Variants in NUP98 observed in about 807,000 individuals in gnomAD.
The protein encoded by NUP98 is nucleoporin 98 and 96 precursor, also known as nuclear pore complex protein Nup98-Nup96.
Under a neutral mutation model 191.9 loss-of-function variants are expected in NUP98, and 26 were observed. The observed-to-expected ratio is 0.14, with a 90% CI of 0.10 to 0.19. The LOEUF is 0.19. Ranked by LOEUF, NUP98 falls within the 10% of genes least tolerant of loss-of-function variation. The pLI is 1.00. For synonymous variants in NUP98, 808 were observed against 778.4 expected, an observed-to-expected ratio of 1.04 and a Z score of -0.63; for missense variants, 1,941 against 2,178.8, an observed-to-expected ratio of 0.89 and a Z score of 2.17.
At chr11:3,752,759 A>T (rs2080811865) in intron 11 of NUP98, among the ~76,000 whole-genome samples, 1 of 152,194 alleles carries the variant, frequency 6.6e-6, no homozygotes, top group Non-Finnish European at 1.5e-5. Context: ...TTTTATGACC[A>T]TCATCACGCT....
rs1475685673 is a variant in NUP98 at position 3,720,979 on chromosome 11, T to TGTGA, written c.2147-155_2147-154insTCAC. ...TCCTAGGAGAAGGGGTGTGTGAGTG[T>TGTGA]GTGTGTGTGTGTGTGTGTGTGTGTG... On this transcript the variant is annotated intron_variant, in intron 16 of 32. Coordinates refer to ENST00000324932, the MANE Select transcript of NUP98 (RefSeq NM_016320.5). 6 of 312,668 alleles carry TGTGA rather than the reference T, an allele frequency of 1.9e-5. No individual in the cohort carries two copies. In the East Asian group the frequency reaches 4.1e-4, roughly 22 times the overall value. 19.4% of individuals were successfully genotyped at this position (312,668 alleles called of 1,614,324 possible). A position where few individuals can be genotyped will look rare whatever the true frequency, so the allele number is the denominator to read the frequency against.
intron 28 of NUP98, among the ~76,000 whole-genome samples, chr11:3,687,769 T>C (rs1404455129): frequency 6.6e-6 from 1 of 152,220 alleles, no homozygotes; most frequent in Non-Finnish European, 1.5e-5. Context: ...CTAATAAATT[T>C]TGTGACTTTA....
At chr11:3,794,353 C>A (rs188945700) in intron 1 of NUP98, among the ~76,000 whole-genome samples, 2 of 152,288 alleles carry the variant, frequency 1.3e-5, no homozygotes, top group East Asian at 3.9e-4. Flanking sequence ...GTCAGAGTCT[C>A]GCTGTCGCCC....
chr11:3,755,106 G>C (rs934519954), intron 10 of NUP98, among the ~76,000 whole-genome samples: 2 of 151,940 alleles, frequency 1.3e-5, no homozygotes, highest in South Asian at 4.1e-4. Context: ...TTTCTCATGA[G>C]AGAAAAGAAA....
chr11:3,782,682 A>T (rs534494313), intron 1 of NUP98, among the ~76,000 whole-genome samples: 1 of 145,862 alleles, frequency 6.9e-6, no homozygotes, highest in Non-Finnish European at 1.5e-5. Context: ...ACCTGGGATT[A>T]CAAGCGTGTG....
chr11:3,685,539 T>C (rs560787811), intron 29 of NUP98, among the ~76,000 whole-genome samples: 13 of 152,068 alleles, frequency 8.5e-5, no homozygotes, highest in African/African-American at 1.9e-4. Flanking sequence ...ATGAGGAGAA[T>C]AGTTCTGATC....
intron 12 of NUP98, among the ~76,000 whole-genome samples, chr11:3,736,076 T>TTGTGTGTG (rs34834363): frequency 1.9e-3 from 250 of 129,532 alleles, no homozygotes; most frequent in African/African-American, 7.2e-3. Context: ...ACAGCTAATT[T>TTGTGTGTG]TGTGTGTGTG....
chr11:3,684,332 C>A (rs951764508), intron 29 of NUP98, among the ~76,000 whole-genome samples: 6 of 152,210 alleles, frequency 3.9e-5, no homozygotes, highest in Non-Finnish European at 4.4e-5. Context: ...GTAATCCCAG[C>A]ACTTTGGCAG....
chr11:3,708,851 TC>T (rs1237050840), intron 20 of NUP98, among the ~76,000 whole-genome samples: 1 of 152,092 alleles, frequency 6.6e-6, no homozygotes, highest in Non-Finnish European at 1.5e-5. Context: ...ATTTTAACTC[TC>T]CCTTTCCTAC....
chr11:3,743,732 A>C (rs1050038048), intron 12 of NUP98, among the ~76,000 whole-genome samples: 1 of 151,434 alleles, frequency 6.6e-6, no homozygotes, highest in Admixed American at 6.6e-5. Flanking sequence ...CAAAGTCTGG[A>C]AGGTGGTATT....
At chr11:3,764,648 G>A (rs1458228752) in intron 8 of NUP98, among the ~76,000 whole-genome samples, 3 of 152,060 alleles carry the variant, frequency 2.0e-5, no homozygotes, top group Non-Finnish European at 2.9e-5. Context: ...GCACAATCTC[G>A]GCTCACCACA....
chr11:3,790,751 C>T (rs567028823), intron 1 of NUP98, among the ~76,000 whole-genome samples: 23 of 152,314 alleles, frequency 1.5e-4, no homozygotes, highest in African/African-American at 4.3e-4. Context: ...TATTTCTCAA[C>T]ACTACAGCAC....
intron 10 of NUP98, among the ~76,000 whole-genome samples, chr11:3,758,264 T>G (rs1429363111): frequency 6.7e-6 from 1 of 149,646 alleles, no homozygotes; most frequent in Non-Finnish European, 1.5e-5. Context: ...GGGCTTGCAG[T>G]GAGCCCATAT....
chr11:3,763,099 A>C, intron 8 of NUP98, 60 bp from the exon 9 acceptor site: 60 of 1,495,356 alleles, frequency 4.0e-5, no homozygotes, highest in Non-Finnish European at 4.8e-5. Flanking sequence ...AACGAATCTC[A>C]GAGTAATAAA....
At chr11:3,700,899 T>C (rs2078656165) in intron 23 of NUP98, 60 bp from the exon 24 acceptor site, 1 of 1,113,042 alleles carries the variant, frequency 9.0e-7, no homozygotes, top group Non-Finnish European at 1.3e-6. Flanking sequence ...CTAGGATTTT[T>C]ACTTCAACCA....
chr11:3,766,444 C>T (rs1170250334), intron 8 of NUP98, among the ~76,000 whole-genome samples: 1 of 152,072 alleles, frequency 6.6e-6, no homozygotes, highest in Non-Finnish European at 1.5e-5. Context: ...AAACCCAGCA[C>T]TTTGTGAGGC....
chr11:3,752,865 G>A (rs2080816318), intron 11 of NUP98, among the ~76,000 whole-genome samples: 1 of 152,188 alleles, frequency 6.6e-6, no homozygotes, highest in Non-Finnish European at 1.5e-5. Flanking sequence ...GAAAAGGGGT[G>A]ACACTGGTCT....
At chr11:3,693,056 G>C (rs2078368532) in intron 27 of NUP98, 176 bp downstream of exon 27, 1 of 606,294 alleles carries the variant, frequency 1.6e-6, no homozygotes, top group African/African-American at 1.8e-5. Context: ...CAGTGAGAAA[G>C]TCAACTGTGG....
intron 25 of NUP98, 93 bp downstream of exon 25, chr11:3,698,989 G>C: frequency 6.9e-7 from 1 of 1,445,522 alleles, no homozygotes; most frequent in Non-Finnish European, 9.5e-7. Context: ...TAGGCTAGAA[G>C]CCAAAGGGAA....
Sources: allele counts gnomAD v4.1 joint callset (sites outside exome capture counted in the v4.1 genomes callset), GRCh38; gene constraint gnomAD v4.1.1; transcripts MANE v1.5; gene names NCBI Gene and HGNC (gene_info 2026-07-23, HGNC 2026-07-21).